SMG1: variants seen among roughly 807,000 people sequenced by gnomAD.
The protein encoded by SMG1 is SMG1 nonsense mediated mRNA decay associated PI3K related kinase.
SMG1 carries 22 observed loss-of-function variants against 419.9 expected under a neutral mutation model. The observed-to-expected ratio is 0.05, with a 90% CI of 0.04 to 0.07. The LOEUF is 0.07. SMG1 is among the 10% of genes least tolerant of loss of function. The pLI is 1.00. For missense variants in SMG1, 3,185 were observed against 4,342.0 expected, an observed-to-expected ratio of 0.73 and a Z score of 7.49; for synonymous variants, 1,538 against 1,553.5, an observed-to-expected ratio of 0.99 and a Z score of 0.23.
intron 18 of SMG1, among the ~76,000 whole-genome samples, chr16:18,870,213 A>G (rs1275810502): frequency 6.6e-6 from 1 of 152,222 alleles, no homozygotes; most frequent in East Asian, 1.9e-4. Flanking sequence ...TGAGGGAGGC[A>G]TATCAAACAT....
intron 38 of SMG1, among the ~76,000 whole-genome samples, chr16:18,847,113 A>G (rs1032468872): frequency 6.6e-6 from 1 of 152,340 alleles, no homozygotes; most frequent in East Asian, 1.9e-4. Flanking sequence ...TCTAAGTATA[A>G]AAAGCCAAAC....
chr16:18,839,658 A>C (rs1170921504), intron 42 of SMG1, 40 bp downstream of exon 42: 2 of 1,603,942 alleles, frequency 1.2e-6, no homozygotes, highest in Non-Finnish European at 8.5e-7. Context: ...CAGGCAAAAG[A>C]AATACTACTA....
intron 28 of SMG1, chr16:18,858,677 T>C (rs369478974): frequency 4.1e-5 from 9 of 221,674 alleles, no homozygotes; most frequent in South Asian, 3.7e-4. Flanking sequence ...CATCTCTGGT[T>C]GAACTTTACC....
At chr16:18,874,693 A>G (rs948644960) in intron 13 of SMG1, among the ~76,000 whole-genome samples, 1 of 149,280 alleles carries the variant, frequency 6.7e-6, no homozygotes, top group African/African-American at 2.4e-5. Flanking sequence ...TGGTGAAACC[A>G]AGTCTCTACT....
intron 39 of SMG1, among the ~76,000 whole-genome samples, chr16:18,843,047 C>T (rs1347894932): frequency 6.6e-6 from 1 of 152,172 alleles, no homozygotes; most frequent in Non-Finnish European, 1.5e-5. Flanking sequence ...GTGATCATCA[C>T]CCAATTAGGG....
At chr16:18,851,922 A>G (rs949853738) in intron 33 of SMG1, 145 bp downstream of exon 33, 5 of 832,388 alleles carry the variant, frequency 6.0e-6, no homozygotes, top group Non-Finnish European at 8.9e-6. Context: ...AATATAACTC[A>G]CTTTCATCTT....
At chr16:18,901,159 A>C (rs982772771) in intron 1 of SMG1, among the ~76,000 whole-genome samples, 2 of 152,162 alleles carry the variant, frequency 1.3e-5, no homozygotes, top group Admixed American at 1.3e-4. Context: ...TTATCGGTAA[A>C]ACTAGTTTAA....
Position 18,869,975 on chromosome 16 carries a change from T to C in SMG1, c.2512A>G (p.Ile838Val). 4.5e-6 allele frequency: 7 copies of C among 1,543,742 alleles called. No individual in the cohort carries two copies. Among genetic ancestry groups the C allele is most frequent in the Non-Finnish European group, 5.2e-6 (6 of 1,149,570 alleles). Residue 838 changes from isoleucine to valine, a missense_variant, in exon 19 of 63, where the codon ATT (isoleucine) becomes GTT (valine). This residue lies in a region of SMG1 where 297 missense variants were observed against 491.0 expected (regional missense o/e 0.60). Transcript: ENST00000446231. ...VVLSNNNHTE[I>V]QEISLALRSH... ...CTTAATGCTAAAGAAATTTCTTGAA[T>C]TTCTGTGTGATTGTTATTGCTGTAG...
At position 18,847,532 on chromosome 16, in the gene SMG1, G is replaced by T. The variant is rs1223251762; in HGVS notation, c.5917C>A (p.Gln1973Lys). 6.2e-7 allele frequency: 1 copy of T among 1,613,998 alleles called. No individual in the cohort carries two copies. The highest frequency in any genetic ancestry group is 8.5e-7 in the Non-Finnish European group (1 of 1,179,884). ...DELWLGVLLQ[Q>K]HMYVLRRIQQ... ...ATTCGTCTCAGGACATACATGTGTTGTTGCAGCAAAACTCCCAGCCAGAGC... is the reference window on the plus strand; with the variant it reads ...ATTCGTCTCAGGACATACATGTGTTTTTGCAGCAAAACTCCCAGCCAGAGC... Residue 1973 changes from glutamine to lysine, a missense_variant, in exon 38 of 63, where the codon CAA becomes AAA. By Grantham distance (53) the Gln-to-Lys change is moderately conservative (BLOSUM62 1). Coordinates refer to ENST00000446231, the MANE Select transcript of SMG1 (RefSeq NM_015092.5).
intron 1 of SMG1, among the ~76,000 whole-genome samples, chr16:18,910,583 T>G (rs1181863315): frequency 2.3e-4 from 35 of 152,110 alleles, no homozygotes; most frequent in Non-Finnish European, 4.4e-5. Context: ...CAGGCTGGTC[T>G]CCAACTCCTG....
chr16:18,876,088 G>C (rs1333229156), intron 13 of SMG1, 36 bp downstream of exon 13: 12 of 1,607,034 alleles, frequency 7.5e-6, no homozygotes, highest in Non-Finnish European at 9.4e-6. Flanking sequence ...AGGCTTAACT[G>C]TGGATAAAAC....
chr16:18,829,304 C>A lies in SMG1; in HGVS notation c.9585G>T (p.Leu3195=), dbSNP rs1354121826. The A allele has an allele frequency of 6.2e-7, 1 of 1,612,480 alleles. No homozygotes were observed. The highest frequency in any genetic ancestry group is 2.2e-5 in the East Asian group (1 of 44,846). ...SCKTSLQRVQ[L]HIAMFQWQHE... ...CACTTACCTGAAACATGGCAATATGCAGCTGAACCCGCTGCAGGCTTGTCT... is the reference window on the plus strand; with the variant it reads ...CACTTACCTGAAACATGGCAATATGAAGCTGAACCCGCTGCAGGCTTGTCT... The change falls in exon 54 of 63, where the codon CTG becomes CTT. Residue 3195 remains leucine, a synonymous_variant. Transcript: ENST00000446231.
intron 13 of SMG1, chr16:18,875,866 A>G (rs1346038392): frequency 2.3e-5 from 12 of 533,182 alleles, no homozygotes; most frequent in South Asian, 1.7e-4. Flanking sequence ...GGAGAAATTC[A>G]TAAGACATTT....
In SMG1 at chr16:18,811,797, A is replaced by G. The variant is rs2031428827; in HGVS notation, c.10872T>C (p.Asp3624=). The G allele has an allele frequency of 6.2e-7, 1 of 1,613,862 alleles. No homozygotes were observed. The highest frequency in any genetic ancestry group is 1.7e-5 in the Admixed American group (1 of 60,010). ...CTGACATCCTCCTATTCGGATCAAC[A>G]TCTCGGCCCTCTAACTTGGCTTTCA... ...KRVKAKLEGR[D]VDPNRRMSVA... Residue 3624 remains aspartate, a synonymous_variant, in exon 62 of 63, where the codon GAT becomes GAC. Transcript: ENST00000446231.
intron 49 of SMG1, 105 bp from the exon 50 acceptor site, chr16:18,834,543 G>A (rs571368619): frequency 2.6e-5 from 28 of 1,063,600 alleles, no homozygotes; most frequent in South Asian, 2.5e-4. Flanking sequence ...TTGGGAGGCC[G>A]AGGCAGGTAG....
intron 13 of SMG1, among the ~76,000 whole-genome samples, chr16:18,874,903 C>CTTTT (rs373817069): frequency 2.1e-5 from 2 of 94,568 alleles, no homozygotes; most frequent in Non-Finnish European, 3.8e-5. Flanking sequence ...AAAAAAAAGC[C>CTTTT]TTTTTTTTTT....
chr16:18,921,133 G>GT (rs2038180926), intron 1 of SMG1, among the ~76,000 whole-genome samples: 1 of 127,650 alleles, frequency 7.8e-6, no homozygotes, highest in Non-Finnish European at 1.6e-5. Flanking sequence ...GTAAAACTCT[G>GT]TCTCAAAAAA....
At position 18,836,151 on chromosome 16, in the gene SMG1, A is replaced by G; in HGVS notation, c.7839T>C (p.Ile2613=). The G allele has an allele frequency of 6.2e-7, 1 of 1,611,392 alleles. No individual in the cohort carries two copies. The highest frequency in any genetic ancestry group is 8.5e-7 in the Non-Finnish European group (1 of 1,178,780). Residue 2613 remains isoleucine (I), a synonymous_variant, in exon 48 of 63, where the codon ATT becomes ATC. Coordinates refer to ENST00000446231, the MANE Select transcript of SMG1 (RefSeq NM_015092.5). The stretch of plus-strand genomic sequence containing the variant: ...CCCCCTCCAGCTGCTCGCACTGGCT[A>G]ATCAAGTGGGCCTGACCAGCATTCT... ...FLQNAGQAHL[I]SQCEQLEGEV...
At chr16:18,919,319 C>A (rs1596664994) in intron 1 of SMG1, among the ~76,000 whole-genome samples, 1 of 147,482 alleles carries the variant, frequency 6.8e-6, no homozygotes, top group East Asian at 2.0e-4. Context: ...ACAGTGAGAC[C>A]CCATCTCTAA....
Sources: gnomAD v4.1 joint callset for allele counts (sites outside exome capture counted in the v4.1 genomes callset) on GRCh38, gnomAD v4.1.1 for gene constraint, gnomAD v4.1.1 regional missense constraint, MANE v1.5 for transcripts, NCBI Gene and HGNC (gene_info 2026-07-23, HGNC 2026-07-21) for gene names.